Variants in ZNF385B observed in about 807,000 individuals in gnomAD.
ZNF385B encodes zinc finger protein 385B, also known as zinc finger protein 533.
Under a neutral mutation model 39.2 loss-of-function variants are expected in ZNF385B, and 23 were observed. That is an observed-to-expected ratio of 0.59 (90% confidence interval 0.42 to 0.83). The LOEUF is 0.83. Among genes scored for constraint, ZNF385B ranks in the 40% least tolerant of loss-of-function variants. The probability of loss-of-function intolerance (pLI) is 0.00; values close to 1 mark genes in which losing one functional copy is unlikely to be tolerated. For synonymous variants in ZNF385B, 205 were observed against 222.6 expected (o/e 0.92, Z 0.70); for missense variants, 552 against 598.9 (o/e 0.92, Z 0.82).
intron 3 of ZNF385B, among the ~76,000 whole-genome samples, chr2:179,564,763 C>G (rs1684358772): frequency 6.6e-6 from 1 of 152,120 alleles, no homozygotes; most frequent in African/African-American, 2.4e-5. Context: ...CCAAGCTCAA[C>G]TTTTGTATTT....
rs191353077 is a variant in ZNF385B at position 179,536,028 on chromosome 2, T to C, written c.441+8799A>G. ...GGCCACTATCACTGATTAAAGTTTA[T>C]AGAGCAACTAATTTAGAAATACATT... On this transcript the variant is annotated intron_variant, in intron 4 of 9. Transcript: ENST00000410066. Among the ~76,000 whole-genome samples, 556 of 152,360 alleles carry C rather than the reference T, an allele frequency of 3.6e-3. 4 individuals are homozygous for C. The highest frequency in any genetic ancestry group is 0.012 in the African/African-American group (514 of 41,592).
In ZNF385B at chr2:179,857,915, T is replaced by G. The variant is rs367859485; in HGVS notation, c.-155+3186A>C. ...AAAGTAAAAAAAATGCAGAGCTACT[T>G]TGAGGCTGGACTGCAGAGGGTCTTC... is the stretch of plus-strand genomic sequence containing the variant. On this transcript the variant is annotated intron_variant, in intron 1 of 9. Coordinates refer to ENST00000410066, the MANE Select transcript of ZNF385B (RefSeq NM_152520.6). Among the ~76,000 whole-genome samples the G allele has an allele frequency of 2.3e-4, 35 of 152,246 alleles. No homozygotes were observed. In the South Asian group the frequency reaches 7.1e-3, roughly 31 times the overall value.
chr2:179,650,305 A>G (rs1204424092), intron 3 of ZNF385B, among the ~76,000 whole-genome samples: 1 of 152,262 alleles, frequency 6.6e-6, no homozygotes, highest in African/African-American at 2.4e-5. Flanking sequence ...TGTTTGAAGT[A>G]GGAGAAAAGG....
At chr2:179,543,453 G>A (rs1226269553) in intron 4 of ZNF385B, among the ~76,000 whole-genome samples, 5 of 152,096 alleles carry the variant, frequency 3.3e-5, no homozygotes, top group African/African-American at 1.2e-4. Context: ...CCTCATAAAT[G>A]TTCTATGAAG....
At chr2:179,855,228 A>T (rs1182869880) in intron 1 of ZNF385B, among the ~76,000 whole-genome samples, 3 of 152,240 alleles carry the variant, frequency 2.0e-5, no homozygotes, top group Non-Finnish European at 4.4e-5. Context: ...GAAAAGAAAA[A>T]GTTGATTAGC....
Position 179,540,371 on chromosome 2 carries a change from G to A in ZNF385B, c.441+4456C>T, listed in dbSNP as rs564357348. 6.6e-5 allele frequency among the ~76,000 whole-genome samples: 10 copies of A among 152,140 alleles called. No individual in the cohort carries two copies. In the East Asian group the frequency reaches 1.4e-3, roughly 21 times the overall value. On this transcript the variant is annotated intron_variant, in intron 4 of 9. Transcript: ENST00000410066. The stretch of plus-strand genomic sequence containing the variant: ...TGAGGCAAGAGAATCGCTTGAACCC[G>A]GGAGGCAGAGGTTGCGGTGAGCCGA...
At chr2:179,724,101 G>C (rs747082668) in intron 3 of ZNF385B, among the ~76,000 whole-genome samples, 18 of 152,090 alleles carry the variant, frequency 1.2e-4, no homozygotes, top group Non-Finnish European at 1.9e-4. Flanking sequence ...TTGAGGTCAG[G>C]AGTTCAAGAC....
At chr2:179,468,261 A>C (rs1315197470) in intron 6 of ZNF385B, among the ~76,000 whole-genome samples, 3 of 152,200 alleles carry the variant, frequency 2.0e-5, no homozygotes, top group Admixed American at 2.0e-4. Flanking sequence ...GAGCATAAAA[A>C]AGGGCTTGTT....
chr2:179,573,426 C>T (rs922226885), intron 3 of ZNF385B, among the ~76,000 whole-genome samples: 1 of 151,700 alleles, frequency 6.6e-6, no homozygotes, highest in Non-Finnish European at 1.5e-5. Context: ...CAGCAGCTAT[C>T]AGGAAAAAAG....
intron 3 of ZNF385B, among the ~76,000 whole-genome samples, chr2:179,707,718 C>T (rs75527901): frequency 0.031 from 4,693 of 152,258 alleles, 104 homozygotes; most frequent in South Asian, 0.052. Flanking sequence ...ACAGGGTATG[C>T]GCTGCCAGCA....
intron 3 of ZNF385B, among the ~76,000 whole-genome samples, chr2:179,618,965 T>C (rs549522289): frequency 7.2e-5 from 11 of 152,316 alleles, no homozygotes; most frequent in African/African-American, 2.4e-4. Flanking sequence ...TTTGCTTCAG[T>C]GTTCAGCGAA....
At chr2:179,813,202 T>C (rs1559218022) in intron 1 of ZNF385B, among the ~76,000 whole-genome samples, 1 of 152,192 alleles carries the variant, frequency 6.6e-6, no homozygotes, top group Non-Finnish European at 1.5e-5. Flanking sequence ...TGAATCTTAG[T>C]CTACTTGAAA....
chr2:179,454,434 CTG>C (rs2050473365), intron 6 of ZNF385B, among the ~76,000 whole-genome samples: 1 of 152,152 alleles, frequency 6.6e-6, no homozygotes, highest in South Asian at 2.1e-4. Flanking sequence ...TAATAAATGA[CTG>C]TGTTACTAGT....
intron 3 of ZNF385B, among the ~76,000 whole-genome samples, chr2:179,703,572 A>G (rs1018217867): frequency 6.6e-6 from 1 of 152,196 alleles, no homozygotes; most frequent in East Asian, 1.9e-4. Context: ...TAGGTGCTCG[A>G]TCTGCTTTTG....
At chr2:179,619,496 T>C (rs1427034195) in intron 3 of ZNF385B, among the ~76,000 whole-genome samples, 1 of 152,144 alleles carries the variant, frequency 6.6e-6, no homozygotes, top group African/African-American at 2.4e-5. Context: ...GCCAAAAACT[T>C]ATGTGAGGAT....
At chr2:179,715,602 T>C (rs1453570070) in intron 3 of ZNF385B, among the ~76,000 whole-genome samples, 1 of 152,168 alleles carries the variant, frequency 6.6e-6, no homozygotes, top group East Asian at 1.9e-4. Context: ...GAACATGTAA[T>C]AAAATCTAGG....
At chr2:179,552,226 G>C (rs951691056) in intron 3 of ZNF385B, among the ~76,000 whole-genome samples, 3 of 149,214 alleles carry the variant, frequency 2.0e-5, no homozygotes, top group Non-Finnish European at 4.4e-5. Flanking sequence ...AGCCCATTTA[G>C]ATTATAACTT....
At chr2:179,750,426 G>A (rs906306074) in intron 3 of ZNF385B, among the ~76,000 whole-genome samples, 1 of 152,100 alleles carries the variant, frequency 6.6e-6, no homozygotes, top group Admixed American at 6.6e-5. Flanking sequence ...TCAATTCTCA[G>A]TAAGACAATG....
chr2:179,856,157 C>T (rs930903217), intron 1 of ZNF385B, among the ~76,000 whole-genome samples: 8 of 152,154 alleles, frequency 5.3e-5, no homozygotes, highest in African/African-American at 1.9e-4. Context: ...GTGAGAACAA[C>T]TGGATTAGAG....
Sources: allele counts gnomAD v4.1 joint callset (sites outside exome capture counted in the v4.1 genomes callset), GRCh38; gene constraint gnomAD v4.1.1; transcripts MANE v1.5; gene names NCBI Gene and HGNC (gene_info 2026-07-23, HGNC 2026-07-21).